The following FAM228B variants were observed in gnomAD, a reference collection of about 807,000 sequenced individuals.
FAM228B encodes the protein protein FAM228B.
A neutral mutation model predicts 42.6 loss-of-function variants in FAM228B; 38 were observed. The ratio of observed to expected loss-of-function variants is 0.89; its 90% CI spans 0.69 to 1.17. The LOEUF (loss-of-function observed/expected upper bound fraction) is 1.17, where lower values mean the gene tolerates loss of function less well. Among genes scored for constraint, FAM228B ranks in the 50% most tolerant of loss-of-function variants. The pLI, the probability that FAM228B is intolerant of heterozygous loss-of-function variation, is 0.00. For missense variants in FAM228B, 344 were observed against 367.3 expected (o/e 0.94, Z 0.52); for synonymous variants, 109 against 122.3 (o/e 0.89, Z 0.72).
intron 2 of FAM228B, among the ~76,000 whole-genome samples, chr2:24,089,636 G>A (rs890344021): frequency 6.6e-6 from 1 of 152,092 alleles, no homozygotes; most frequent in Non-Finnish European, 1.5e-5. Flanking sequence ...GAAATACTCA[G>A]GGTAGCCCTG....
chr2:24,093,470 A>G lies in FAM228B; in HGVS notation c.-209-1671A>G, dbSNP rs568765230. On this transcript the variant is annotated intron_variant, in intron 2 of 10. Transcript: ENST00000613899. ...TCCAGCTTCATCCATGTCCCTGCAAAGGACATGAACTCACTCTTTTTTATG... is the reference window on the plus strand; with the variant it reads ...TCCAGCTTCATCCATGTCCCTGCAAGGGACATGAACTCACTCTTTTTTATG... 1.6e-4 allele frequency among the ~76,000 whole-genome samples: 24 copies of G among 152,288 alleles called. 1 individual carries two copies. In the South Asian group the frequency reaches 4.1e-3, roughly 26 times the overall value.
chr2:24,153,583 C>G (rs982352443), intron 7 of FAM228B, among the ~76,000 whole-genome samples: 4 of 152,196 alleles, frequency 2.6e-5, no homozygotes, highest in Non-Finnish European at 5.9e-5. Context: ...ACAAAGTCCT[C>G]TTTATTCTTC....
intron 2 of FAM228B, among the ~76,000 whole-genome samples, chr2:24,132,833 T>A (rs1276130530): frequency 6.6e-6 from 1 of 152,198 alleles, no homozygotes; most frequent in Non-Finnish European, 1.5e-5. Flanking sequence ...GAACTCAATC[T>A]CCAAACTTGT....
At chr2:24,160,046 T>G (rs1667252063) in intron 7 of FAM228B, among the ~76,000 whole-genome samples, 2 of 151,504 alleles carry the variant, frequency 1.3e-5, no homozygotes, top group Admixed American at 6.6e-5. Context: ...TGGAGTGCAG[T>G]GGCGTGACCT....
intron 1 of FAM228B, among the ~76,000 whole-genome samples, chr2:24,079,934 C>A (rs190555193): frequency 8.2e-4 from 125 of 152,274 alleles, no homozygotes; most frequent in Non-Finnish European, 1.4e-3. Flanking sequence ...CACCCAGGCA[C>A]GATTGAGAAC....
upstream of FAM228B, among the ~76,000 whole-genome samples, chr2:24,119,157 C>A (rs1265637910): frequency 6.6e-6 from 1 of 152,074 alleles, no homozygotes; most frequent in Non-Finnish European, 1.5e-5. Context: ...ACATCTCTGC[C>A]TTTTTACCCT....
intron 7 of FAM228B, among the ~76,000 whole-genome samples, chr2:24,153,753 G>T (rs1234092231): frequency 6.6e-6 from 1 of 152,154 alleles, no homozygotes; most frequent in Non-Finnish European, 1.5e-5. Flanking sequence ...TCTGAGCTCA[G>T]CCCAACATGA....
At position 24,077,854 on chromosome 2, in the gene FAM228B, C is replaced by A; in HGVS notation, c.-290+885C>A. On this transcript the variant is annotated intron_variant, in intron 1 of 10. Coordinates refer to the FAM228B transcript ENST00000613899. The surrounding 1 kb of genome is among the most constrained non-coding windows in gnomAD (Gnocchi z 5.5). ...AGCCTTCTTGCTCTCTCTGAAGCCA[C>A]GTATCTGAAAAAGCACACAGGGACA... The A allele has an allele frequency of 1.4e-6, 2 of 1,422,190 alleles. No individual in the cohort carries two copies. The highest frequency in any genetic ancestry group is 1.9e-6 in the Non-Finnish European group (2 of 1,048,840). The allele number at this position is 1,422,190 out of a possible 1,614,324, so 88.1% of individuals were successfully genotyped here.
Position 24,169,147 on chromosome 2 carries a change from ATC to A in FAM228B, c.*15-204_*15-203del, listed in dbSNP as rs545105048. On this transcript the variant is annotated intron_variant, in intron 10 of 10. Transcript: ENST00000615575. The surrounding 1 kb of genome is among the most constrained non-coding windows in gnomAD (Gnocchi z 4.2). Reference sequence around the variant, plus strand: ...CCCATCTATTTGACCATGTCCCTGAATCTCTCAGTGCTTCTGACTCCAGACAG... The same window carrying A: ...CCCATCTATTTGACCATGTCCCTGAATCTCAGTGCTTCTGACTCCAGACAG... 2.0e-4 allele frequency among the ~76,000 whole-genome samples: 30 copies of A among 152,266 alleles called. No individual in the cohort carries two copies. Among genetic ancestry groups the A allele is most frequent in the African/African-American group, 6.5e-4 (27 of 41,528 alleles).
chr2:24,151,768 C>T (rs10205898), intron 7 of FAM228B, among the ~76,000 whole-genome samples: 41,768 of 151,818 alleles, frequency 0.28, 6,375 homozygotes, highest in Non-Finnish European at 0.35. Context: ...CTGTAACCTC[C>T]GCCTCCTGGG....
intron 2 of FAM228B, among the ~76,000 whole-genome samples, chr2:24,126,942 A>G (rs1366988885): frequency 6.6e-6 from 1 of 152,258 alleles, no homozygotes; most frequent in East Asian, 1.9e-4. Flanking sequence ...CACTACTCTA[A>G]AGTGTACAAT....
chr2:24,124,360 C>T lies in FAM228B; in HGVS notation c.-2C>T, dbSNP rs1394965496. ...CCAGGGGCATTGTTATTTGTGACCA[C>T]AATGAAAAATGTAGACAGTGATGAT... is the stretch of plus-strand genomic sequence containing the variant. On this transcript the variant is annotated 5_prime_UTR_variant, in exon 2 of 11. Transcript: ENST00000615575. 2 of 1,537,878 alleles carry T rather than the reference C, an allele frequency of 1.3e-6. No homozygotes were observed. The highest frequency in any genetic ancestry group is 2.1e-5 in the Admixed American group (1 of 47,304).
intron 2 of FAM228B, among the ~76,000 whole-genome samples, chr2:24,132,041 G>C (rs1005094312): frequency 6.6e-6 from 1 of 152,084 alleles, no homozygotes; most frequent in Non-Finnish European, 1.5e-5. Flanking sequence ...TAACATGAAG[G>C]GATGTTGAAT....
chr2:24,113,182 A>C (rs904623615), intron 3 of FAM228B, among the ~76,000 whole-genome samples: 6 of 152,214 alleles, frequency 3.9e-5, no homozygotes, highest in Admixed American at 3.9e-4. Context: ...TAGTGGTGAT[A>C]CAACAGTAAA....
intron 5 of FAM228B, among the ~76,000 whole-genome samples, chr2:24,143,394 T>TC (rs1434286898): frequency 6.6e-6 from 1 of 151,922 alleles, no homozygotes; most frequent in Non-Finnish European, 1.5e-5. Context: ...TGGGGTTTCA[T>TC]CGTGTTAGCC....
In FAM228B at chr2:24,077,706, G is replaced by C; in HGVS notation, c.-290+737G>C. The C allele has an allele frequency of 6.2e-7, 1 of 1,614,070 alleles. No homozygotes were observed. The highest frequency in any genetic ancestry group is 8.5e-7 in the Non-Finnish European group (1 of 1,179,970). On this transcript the variant is annotated intron_variant, in intron 1 of 10. Transcript: ENST00000613899. This position sits in a 1 kb window ranked among gnomAD's most constrained non-coding sequence, Gnocchi z 5.5. Reference sequence around the variant, plus strand: ...CGGCAGCAGACGTTGGGGGCCCTCCGTGGAGAAGTGAGGCAGAATTTGCTC... The same window carrying C: ...CGGCAGCAGACGTTGGGGGCCCTCCCTGGAGAAGTGAGGCAGAATTTGCTC...
At chr2:24,141,400 C>T (rs1342310769) in intron 5 of FAM228B, among the ~76,000 whole-genome samples, 9 of 152,146 alleles carry the variant, frequency 5.9e-5, no homozygotes, top group Non-Finnish European at 1.0e-4. Context: ...CCCACCACCA[C>T]GCCTGGCTAA....
At chr2:24,135,461 A>G (rs778826779) in intron 3 of FAM228B, among the ~76,000 whole-genome samples, 2 of 152,186 alleles carry the variant, frequency 1.3e-5, no homozygotes, top group Admixed American at 6.5e-5. Flanking sequence ...AGCAGTCACT[A>G]TAAATGAGCT....
chr2:24,124,893 C>G (rs988566697), intron 2 of FAM228B, among the ~76,000 whole-genome samples: 2 of 152,122 alleles, frequency 1.3e-5, no homozygotes, highest in Non-Finnish European at 2.9e-5. Flanking sequence ...TACAAAAAAT[C>G]TCTACACTGT....
Sources: allele counts gnomAD v4.1 joint callset (sites outside exome capture counted in the v4.1 genomes callset), GRCh38; gene constraint gnomAD v4.1.1; non-coding constraint Gnocchi (gnomAD v3.1); transcripts MANE v1.5; gene names NCBI Gene and HGNC (gene_info 2026-07-23, HGNC 2026-07-21).